Variants in UBR3 observed in about 807,000 individuals in gnomAD.
UBR3 encodes E3 ubiquitin-protein ligase UBR3.
UBR3 carries 85 observed loss-of-function variants against 243.2 expected under a neutral mutation model. That is an observed-to-expected ratio of 0.35 (90% confidence interval 0.29 to 0.42). UBR3 has a LOEUF of 0.42. Among genes scored for constraint, UBR3 ranks in the 10% least tolerant of loss-of-function variants. The pLI is 1.00. For missense variants in UBR3, 1,686 were observed against 2,300.8 expected (o/e 0.73, Z 5.47); for synonymous variants, 748 against 799.8 (o/e 0.94, Z 1.09).
At chr2:169,940,523 G>T (rs374356235) in intron 19 of UBR3, among the ~76,000 whole-genome samples, 219 of 152,190 alleles carry the variant, frequency 1.4e-3, no homozygotes, top group African/African-American at 5.0e-3. Flanking sequence ...ATTCTACATA[G>T]TCAATTTTTA....
Position 169,958,604 on chromosome 2 carries a change from A to G in UBR3, c.3634+78A>G, listed in dbSNP as rs536495717. 4.8e-6 allele frequency: 6 copies of G among 1,258,150 alleles called. No individual in the cohort carries two copies. In the East Asian group the frequency reaches 1.5e-4, roughly 31 times the overall value. The allele number at this position is 1,258,150 out of a possible 1,614,324, so 77.9% of individuals were successfully genotyped here. On this transcript the variant is annotated intron_variant, in intron 24 of 38. Transcript: ENST00000272793. ...GGATGATGTAGTCCAGTCTTTTACT[A>G]ATTTAAAACATTACACACTTTTGAT...
chr2:170,000,634 C>T (rs892385503), intron 26 of UBR3, among the ~76,000 whole-genome samples: 1 of 152,144 alleles, frequency 6.6e-6, no homozygotes, highest in Non-Finnish European at 1.5e-5. Context: ...TTTATATTGT[C>T]TGTGGGACAT....
rs573091985 is a variant in UBR3, at chr2:170,041,968, A to AACTT, written c.4660+986_4660+989dup. Among the ~76,000 whole-genome samples, 952 of 152,236 alleles carry AACTT rather than the reference A, an allele frequency of 6.3e-3. 10 individuals are homozygous for AACTT. Among genetic ancestry groups the AACTT allele is most frequent in the African/African-American group, 0.022 (907 of 41,512 alleles). On this transcript the variant is annotated intron_variant, in intron 32 of 38. Coordinates refer to ENST00000272793, the MANE Select transcript of UBR3 (RefSeq NM_172070.4). ...TAATCATGAAATTCACATAAAATAA[A>AACTT]ACTTACCATTTAAACAATTTAAAGT...
rs2105406011 is a variant in UBR3 at position 170,008,849 on chromosome 2, A to G, written c.4276A>G (p.Ile1426Val). ...SKEMESVMKD[I>V]KNTTQKKYRD... ...AGAAATGGAATCTGTAATGAAAGAT[A>G]TAAAAAATACCACTCAGAAGAAATA... The change falls in exon 29 of 39, where the codon ATA becomes GTA. Residue 1426 changes from isoleucine to valine, a missense_variant. This residue lies in a region of UBR3 where 371 missense variants were observed against 422.5 expected (regional missense o/e 0.88). Transcript: ENST00000272793. 6.6e-7 allele frequency: 1 copy of G among 1,513,054 alleles called. No homozygotes were observed. The highest frequency in any genetic ancestry group is 1.4e-5 in the African/African-American group (1 of 71,836). 93.7% of individuals were successfully genotyped at this position (1,513,054 alleles called of 1,614,324 possible). A position where few individuals can be genotyped will look rare whatever the true frequency, so the allele number is the denominator to read the frequency against.
intron 38 of UBR3, among the ~76,000 whole-genome samples, 188 bp downstream of exon 38, chr2:170,080,872 C>A (rs1447706017): frequency 6.6e-6 from 1 of 152,002 alleles, no homozygotes; most frequent in African/African-American, 2.4e-5. Flanking sequence ...TGAAATACAC[C>A]AAATTACCAT....
In UBR3 at chr2:170,082,114, A is replaced by G. The variant is rs1393060760; in HGVS notation, c.*271A>G. 1 of 267,192 alleles carries G rather than the reference A, an allele frequency of 3.7e-6. No homozygotes were observed. The highest frequency in any genetic ancestry group is 7.0e-6 in the Non-Finnish European group (1 of 143,716). The allele number at this position is 267,192 out of a possible 1,614,324, so 16.6% of individuals were successfully genotyped here. A position where few individuals can be genotyped will look rare whatever the true frequency, so the allele number is the denominator to read the frequency against. On this transcript the variant is annotated 3_prime_UTR_variant, in exon 39 of 39. Coordinates refer to ENST00000272793, the MANE Select transcript of UBR3 (RefSeq NM_172070.4). ...AATTAATAAGAAGCACAACTTGTTC[A>G]CAAACTCATTCAGAAATGATTCTCC...
At chr2:169,932,847 A>C in intron 18 of UBR3, 65 bp from the exon 19 acceptor site, 1 of 1,280,468 alleles carries the variant, frequency 7.8e-7, no homozygotes, top group East Asian at 2.6e-5. Context: ...AACAAATGTA[A>C]TAAGTCAATA....
At chr2:170,001,455 T>C in intron 27 of UBR3, 41 bp downstream of exon 27, 2 of 1,233,122 alleles carry the variant, frequency 1.6e-6, no homozygotes, top group Non-Finnish European at 2.4e-6. Context: ...GCATGTATCT[T>C]TCCAGGTATT....
intron 38 of UBR3, among the ~76,000 whole-genome samples, chr2:170,081,087 G>A (rs371055224): frequency 9.9e-5 from 15 of 152,138 alleles, no homozygotes; most frequent in African/African-American, 3.1e-4. Flanking sequence ...CCAGCAACTC[G>A]GGAGGAGGTG....
At chr2:170,069,492 A>G (rs1317306923) in intron 35 of UBR3, among the ~76,000 whole-genome samples, 1 of 152,108 alleles carries the variant, frequency 6.6e-6, no homozygotes, top group Middle Eastern at 3.2e-3. Context: ...CAAGTATACA[A>G]TACAGTATTA....
chr2:169,963,950 T>G (rs1363323243), intron 24 of UBR3, among the ~76,000 whole-genome samples: 5 of 152,202 alleles, frequency 3.3e-5, no homozygotes, highest in Non-Finnish European at 7.4e-5. Context: ...CAGACCTTAC[T>G]GCTAAATACT....
intron 18 of UBR3, among the ~76,000 whole-genome samples, chr2:169,929,866 T>A (rs2086053015): frequency 6.6e-6 from 1 of 152,166 alleles, no homozygotes; most frequent in Non-Finnish European, 1.5e-5. Flanking sequence ...GAAAAACCAA[T>A]GCCCATTTTG....
At chr2:170,002,607 T>C (rs2089754339) in intron 27 of UBR3, among the ~76,000 whole-genome samples, 1 of 152,214 alleles carries the variant, frequency 6.6e-6, no homozygotes, top group South Asian at 2.1e-4. Context: ...CTTCTTCTGT[T>C]CAGGAATAAC....
At chr2:169,903,465 G>T (rs867717163) in intron 8 of UBR3, among the ~76,000 whole-genome samples, 1 of 152,260 alleles carries the variant, frequency 6.6e-6, no homozygotes, top group South Asian at 2.1e-4. Flanking sequence ...TAAATAATTT[G>T]TAAAAAGCCC....
intron 20 of UBR3, among the ~76,000 whole-genome samples, chr2:169,943,837 GTATT>G (rs2086684345): frequency 6.6e-6 from 1 of 152,014 alleles, no homozygotes; most frequent in African/African-American, 2.4e-5. Flanking sequence ...AAGAAAGTAT[GTATT>G]TAGTTAGGTA....
rs1026902939 is a variant in UBR3, at chr2:170,082,386, T to A, written c.*543T>A. 9.8e-5 allele frequency: 15 copies of A among 152,790 alleles called. No individual in the cohort carries two copies. Among genetic ancestry groups the A allele is most frequent in the African/African-American group, 3.4e-4 (14 of 41,594 alleles). The allele number at this position is 152,790 out of a possible 1,614,324, so 9.5% of individuals were successfully genotyped here. A position where few individuals can be genotyped will look rare whatever the true frequency, so the allele number is the denominator to read the frequency against. Reference sequence around the variant, plus strand: ...AATAGTAGAACTTTAAAATTTTTTCTTATTGTGAGGAATCTGTTAAAAGTT... The same window carrying A: ...AATAGTAGAACTTTAAAATTTTTTCATATTGTGAGGAATCTGTTAAAAGTT... On this transcript the variant is annotated 3_prime_UTR_variant, in exon 39 of 39. Coordinates refer to ENST00000272793, the MANE Select transcript of UBR3 (RefSeq NM_172070.4).
At chr2:169,835,993 GTCTCTCTCTC>G (rs577838877) in intron 1 of UBR3, among the ~76,000 whole-genome samples, 2,947 of 30,204 alleles carry the variant, frequency 0.098, 89 homozygotes, top group East Asian at 0.18. Context: ...TGTGTGCACT[GTCTCTCTCTC>G]TCTCTCTCTC....
intron 5 of UBR3, among the ~76,000 whole-genome samples, chr2:169,889,641 G>A (rs1444544657): frequency 2.0e-5 from 3 of 152,188 alleles, no homozygotes; most frequent in Non-Finnish European, 4.4e-5. Flanking sequence ...CTGTTGCCTG[G>A]TGGATGGCCA....
chr2:170,043,953 A>T (rs1442358711), intron 32 of UBR3, among the ~76,000 whole-genome samples: 2 of 152,188 alleles, frequency 1.3e-5, no homozygotes, highest in Non-Finnish European at 2.9e-5. Context: ...GGTCAGAGAA[A>T]AAAATGCCAT....
Sources: allele counts gnomAD v4.1 joint callset (sites outside exome capture counted in the v4.1 genomes callset), GRCh38; gene constraint gnomAD v4.1.1; regional missense constraint gnomAD v4.1.1; transcripts MANE v1.5; gene names NCBI Gene and HGNC (gene_info 2026-07-23, HGNC 2026-07-21).